Variants in ABI2 observed in about 807,000 individuals in gnomAD.
The protein encoded by ABI2 is abl interactor 2, also known as abelson interactor 2.
ABI2 carries 25 observed loss-of-function variants against 59.2 expected under a neutral mutation model. The observed-to-expected ratio is 0.42, with a 90% CI of 0.31 to 0.59. ABI2 has a LOEUF of 0.59. Ranked by LOEUF, ABI2 falls within the 20% of genes least tolerant of loss-of-function variation. The probability of loss-of-function intolerance (pLI) is 0.14; values close to 1 mark genes in which losing one functional copy is unlikely to be tolerated. For synonymous variants in ABI2, 213 were observed against 235.5 expected (o/e 0.90, Z 0.87); for missense variants, 545 against 681.8 (o/e 0.80, Z 2.23).
At chr2:203,363,644 C>T (rs1261410905) in intron 1 of ABI2, among the ~76,000 whole-genome samples, 3 of 152,172 alleles carry the variant, frequency 2.0e-5, no homozygotes, top group African/African-American at 4.8e-5. Context: ...TCTTTCTGTG[C>T]CTGGCTTGTT....
chr2:203,423,588 C>G (rs2098311905), intron 11 of ABI2, among the ~76,000 whole-genome samples: 1 of 152,166 alleles, frequency 6.6e-6, no homozygotes, highest in Non-Finnish European at 1.5e-5. Context: ...ACCATGCCTG[C>G]TAAATTTTGC....
chr2:203,399,619 G>A (rs770183652), intron 8 of ABI2, among the ~76,000 whole-genome samples: 7 of 152,162 alleles, frequency 4.6e-5, no homozygotes, highest in African/African-American at 1.2e-4. Context: ...GGGTTCAAGC[G>A]ATTCTCCTGC....
intron 5 of ABI2, chr2:203,394,494 T>C (rs1254819513): frequency 1.8e-6 from 1 of 545,844 alleles, no homozygotes; most frequent in African/African-American, 1.9e-5. Context: ...GGAAATGAGG[T>C]TGGAGACTGA....
At position 203,428,604 on chromosome 2, in the gene ABI2, C is replaced by G. The variant is rs565606640; in HGVS notation, c.*1252C>G. 6.6e-6 allele frequency: 1 copy of G among 152,550 alleles called. No homozygotes were observed. Among genetic ancestry groups the G allele is most frequent in the South Asian group, 2.1e-4 (1 of 4,832 alleles). The allele number at this position is 152,550 out of a possible 1,614,324, so 9.4% of individuals were successfully genotyped here. A position where few individuals can be genotyped will look rare whatever the true frequency, so the allele number is the denominator to read the frequency against. On this transcript the variant is annotated 3_prime_UTR_variant, in exon 12 of 12. Transcript: ENST00000261018. ...CATTGATAAAAATTAATATAACTGACACAATAAAACACATTTCCCCCATCT... is the reference window on the plus strand; with the variant it reads ...CATTGATAAAAATTAATATAACTGAGACAATAAAACACATTTCCCCCATCT...
intron 2 of ABI2, chr2:203,376,133 G>T: frequency 6.5e-7 from 1 of 1,531,700 alleles, no homozygotes; most frequent in East Asian, 2.5e-5. Flanking sequence ...ATTGAATGAG[G>T]TAAGGGACCA....
intron 4 of ABI2, among the ~76,000 whole-genome samples, chr2:203,387,973 A>G (rs542966203): frequency 3.9e-5 from 6 of 152,090 alleles, no homozygotes; most frequent in South Asian, 2.1e-4. Context: ...ATCAATCATG[A>G]TGGCTGTCTA....
intron 2 of ABI2, 62 bp downstream of exon 2, chr2:203,367,106 C>A: frequency 6.8e-7 from 1 of 1,475,544 alleles, no homozygotes; most frequent in Admixed American, 2.1e-5. Context: ...CACAGGCTAT[C>A]TGTAATGCTG....
Position 203,370,812 on chromosome 2 carries a change from C to T in ABI2, c.285+3768C>T, listed in dbSNP as rs944199713. 6.0e-4 allele frequency among the ~76,000 whole-genome samples: 91 copies of T among 152,008 alleles called. 3 individuals are homozygous for T. The highest frequency in any genetic ancestry group is 1.2e-4 in the Non-Finnish European group (8 of 68,020). ...CAAGATCACACATTTATTGGAATGG[C>T]AATAAGCCTCAAGAGTTGTAAGGGT... On this transcript the variant is annotated intron_variant, in intron 2 of 11. Transcript: ENST00000261018.
At chr2:203,373,391 G>T (rs1427196270) in intron 2 of ABI2, among the ~76,000 whole-genome samples, 1 of 152,202 alleles carries the variant, frequency 6.6e-6, no homozygotes, top group Non-Finnish European at 1.5e-5. Context: ...CAGGGAGGTT[G>T]CAGTGAGCCA....
chr2:203,362,728 T>C (rs1436057209), intron 1 of ABI2, among the ~76,000 whole-genome samples: 3 of 151,934 alleles, frequency 2.0e-5, no homozygotes, highest in East Asian at 3.9e-4. Context: ...GGTTTCTCCA[T>C]GTCGGGCAGG....
At chr2:203,350,461 A>G (rs947150060) in intron 1 of ABI2, among the ~76,000 whole-genome samples, 11 of 152,032 alleles carry the variant, frequency 7.2e-5, no homozygotes, top group Middle Eastern at 3.4e-3. Context: ...GCAAGCCTCC[A>G]GCCTTAGTCT....
At chr2:203,386,640 CTTTT>C (rs537240194) in intron 4 of ABI2, 2 of 121,728 alleles carry the variant, frequency 1.6e-5, no homozygotes, top group Non-Finnish European at 3.4e-5. Flanking sequence ...GTAGACATTG[CTTTT>C]TTTTTTTTTT....
intron 11 of ABI2, 105 bp from the exon 12 acceptor site, chr2:203,427,072 T>TA: frequency 1.1e-6 from 1 of 950,618 alleles, no homozygotes; most frequent in Non-Finnish European, 1.6e-6. Flanking sequence ...TCACCATGTT[T>TA]GAGTGCTACA....
Position 203,348,843 on chromosome 2 carries a change from T to C in ABI2, c.118-18034T>C, listed in dbSNP as rs577779725. Reference sequence around the variant, plus strand: ...ACACATCATTATCACCCAAAATTTCTTTTATTTTTAATTAAAAATTTTTTT... The same window carrying C: ...ACACATCATTATCACCCAAAATTTCCTTTATTTTTAATTAAAAATTTTTTT... On this transcript the variant is annotated intron_variant, in intron 1 of 11. Coordinates refer to ENST00000261018, the MANE Select transcript of ABI2 (RefSeq NM_001375670.1). Among the ~76,000 whole-genome samples the C allele has an allele frequency of 3.3e-5, 5 of 152,242 alleles. No homozygotes were observed. In the East Asian group the frequency reaches 5.8e-4, roughly 18 times the overall value.
intron 9 of ABI2, among the ~76,000 whole-genome samples, chr2:203,410,621 T>G (rs1050536414): frequency 6.6e-6 from 1 of 152,168 alleles, no homozygotes; most frequent in South Asian, 2.1e-4. Flanking sequence ...ACCAATGAGT[T>G]GGGATTATGA....
intron 4 of ABI2, among the ~76,000 whole-genome samples, chr2:203,389,164 T>C (rs2096646880): frequency 6.6e-6 from 1 of 152,234 alleles, no homozygotes; most frequent in African/African-American, 2.4e-5. Context: ...AAACTTTTTC[T>C]GGCATTTTCA....
In ABI2 at chr2:203,360,932, TTGTTAC is replaced by T. The variant is rs577310492; in HGVS notation, c.118-5944_118-5939del. On this transcript the variant is annotated intron_variant, in intron 1 of 11. Transcript: ENST00000261018. ...GGACCAAAATTAGGGTAACAACTAATTGTTACCCTTTCAAGGATGACGTATGCTCTG... is the reference window on the plus strand; with the variant it reads ...GGACCAAAATTAGGGTAACAACTAATCCTTTCAAGGATGACGTATGCTCTG... Among the ~76,000 whole-genome samples the T allele has an allele frequency of 4.7e-4, 71 of 152,300 alleles. No homozygotes were observed. In the East Asian group the frequency reaches 0.011, roughly 23 times the overall value.
intron 1 of ABI2, among the ~76,000 whole-genome samples, chr2:203,356,079 A>G (rs2091842541): frequency 6.6e-6 from 1 of 152,070 alleles, no homozygotes; most frequent in Admixed American, 6.5e-5. Context: ...AGCTTATGGA[A>G]TCATTTATTC....
intron 1 of ABI2, among the ~76,000 whole-genome samples, chr2:203,362,440 G>A (rs1478331087): frequency 1.3e-5 from 2 of 151,974 alleles, no homozygotes; most frequent in African/African-American, 2.4e-5. Flanking sequence ...AATTGGGAGT[G>A]TATTACCTTT....
Sources: allele counts gnomAD v4.1 joint callset (sites outside exome capture counted in the v4.1 genomes callset), GRCh38; gene constraint gnomAD v4.1.1; transcripts MANE v1.5; gene names NCBI Gene and HGNC (gene_info 2026-07-23, HGNC 2026-07-21).